HKDC1: variants seen among roughly 807,000 people sequenced by gnomAD.
HKDC1 encodes hexokinase domain containing 1, also known as hexokinase HKDC1.
HKDC1 carries 66 observed loss-of-function variants against 96.6 expected under a neutral mutation model. The ratio of observed to expected loss-of-function variants is 0.68; its 90% confidence interval spans 0.56 to 0.84. The LOEUF is 0.84. Ranked by LOEUF, HKDC1 falls within the 40% of genes least tolerant of loss-of-function variation. HKDC1 has a pLI of 0.00. For missense variants in HKDC1, 1,211 were observed against 1,208.1 expected, an observed-to-expected ratio of 1.00 and a Z score of -0.04; for synonymous variants, 466 against 473.1, an observed-to-expected ratio of 0.98 and a Z score of 0.20.
At chr10:69,248,390 A>C (rs576538807) in intron 9 of HKDC1, 34 bp from the exon 10 acceptor site, 2 of 1,526,520 alleles carry the variant, frequency 1.3e-6, no homozygotes, top group South Asian at 1.3e-5. Flanking sequence ...GGCCTTTATG[A>C]TTGCTAAATA....
In HKDC1 at chr10:69,265,612, G is replaced by C; in HGVS notation, c.2400G>C (p.Arg800Ser). ...ATCGGCTGGCCCTTCTCCAGGTCAG[G>C]AGGATTCTGCAGCAGCTGGGCCTGG... is the stretch of plus-strand genomic sequence containing the variant. The part of the protein sequence containing the change: ...ESDRLALLQV[R>S]RILQQLGLDS... Residue 800 changes from arginine to serine, a missense_variant, in exon 17 of 18, where the codon AGG (arginine) becomes AGC (serine). Arg to Ser is a moderately radical substitution (Grantham distance 110). Transcript: ENST00000354624. 1 of 1,613,806 alleles carries C rather than the reference G, an allele frequency of 6.2e-7. No individual in the cohort carries two copies. The highest frequency in any genetic ancestry group is 8.5e-7 in the Non-Finnish European group (1 of 1,179,928).
At position 69,248,610 on chromosome 10, in the gene HKDC1, C is replaced by T. The variant is rs372164004; in HGVS notation, c.1452C>T (p.Leu484=). 152 of 1,614,118 alleles carry T rather than the reference C, an allele frequency of 9.4e-5. No individual in the cohort carries two copies. The highest frequency in any genetic ancestry group is 3.4e-4 in the South Asian group (31 of 91,084). The change falls in exon 10 of 18, where the codon CTC becomes CTT. Residue 484 remains leucine (L), a synonymous_variant. Coordinates refer to ENST00000354624, the MANE Select transcript of HKDC1 (RefSeq NM_025130.4). The stretch of plus-strand genomic sequence containing the variant: ...TGTTCCAGCTGACCCGAGAGCAGCT[C>T]GTGGACGTGCAGGCCAAGATGCGGG... ...LALFQLTREQ[L]VDVQAKMRAE...
chr10:69,230,927 T>A (rs1007594145), intron 2 of HKDC1, among the ~76,000 whole-genome samples: 1 of 152,114 alleles, frequency 6.6e-6, no homozygotes, highest in Non-Finnish European at 1.5e-5. Context: ...GCCGGGGCTG[T>A]TTTCTTGATG....
chr10:69,228,501 G>A (rs1236929716), intron 2 of HKDC1, among the ~76,000 whole-genome samples: 1 of 152,142 alleles, frequency 6.6e-6, no homozygotes, highest in Non-Finnish European at 1.5e-5. Context: ...CTAGAAATCT[G>A]TAGATAGGAT....
intron 6 of HKDC1, among the ~76,000 whole-genome samples, chr10:69,241,067 AAAAAAACAAAAAAC>A (rs1171821600): frequency 6.6e-6 from 1 of 152,030 alleles, no homozygotes; most frequent in Non-Finnish European, 1.5e-5. Flanking sequence ...TTAGCGTGAT[AAAAAAACAAAAAAC>A]AAAAAACAAA....
At chr10:69,224,911 T>C (rs1843123797) in intron 1 of HKDC1, among the ~76,000 whole-genome samples, 1 of 152,238 alleles carries the variant, frequency 6.6e-6, no homozygotes, top group African/African-American at 2.4e-5. Context: ...GCCTGGGACG[T>C]GTGTCCCTGG....
At chr10:69,241,425 G>A (rs1246016631) in intron 6 of HKDC1, among the ~76,000 whole-genome samples, 1 of 152,206 alleles carries the variant, frequency 6.6e-6, no homozygotes, top group Non-Finnish European at 1.5e-5. Flanking sequence ...TATCCCCTGA[G>A]GGAGACTGGA....
chr10:69,256,053 G>A (rs1467935711), intron 12 of HKDC1, among the ~76,000 whole-genome samples: 1 of 152,154 alleles, frequency 6.6e-6, no homozygotes, highest in Non-Finnish European at 1.5e-5. Context: ...TTTGCACCCA[G>A]AGAGAGCCAC....
Position 69,246,103 on chromosome 10 carries a change from G to A in HKDC1, c.900G>A (p.Leu300=). Residue 300 remains leucine, a synonymous_variant, in exon 8 of 18, where the codon CTG becomes CTA. Coordinates refer to ENST00000354624, the MANE Select transcript of HKDC1 (RefSeq NM_025130.4). ...KQLFEKMISG[L]YLGELVRLIL... is the part of the protein sequence containing the mutation. ...GGTTCGAGAAGATGATCAGTGGCCT[G>A]TACCTGGGGGAGCTTGTCAGGCTTA... The A allele has an allele frequency of 6.2e-7, 1 of 1,614,252 alleles. No individual in the cohort carries two copies. The highest frequency in any genetic ancestry group is 2.2e-5 in the East Asian group (1 of 44,882).
chr10:69,265,138 C>A lies in HKDC1; in HGVS notation c.2373-447C>A, dbSNP rs576766090. ...AGTTAAATAGAAGGAAAGTTGGCCT[C>A]CAATTGAAGGGGGCCAGAGTGTGGG... On this transcript the variant is annotated intron_variant, in intron 16 of 17. Transcript: ENST00000354624. Among the ~76,000 whole-genome samples the A allele has an allele frequency of 2.0e-5, 3 of 152,220 alleles. No individual in the cohort carries two copies. The East Asian group carries it at 5.8e-4, about 29-fold the overall frequency.
chr10:69,258,755 T>C, intron 14 of HKDC1, 21 bp from the exon 15 acceptor site: 1 of 1,613,458 alleles, frequency 6.2e-7, no homozygotes, highest in Non-Finnish European at 8.5e-7. Flanking sequence ...AAGACTAAGG[T>C]TCCTTCACAA....
intron 1 of HKDC1, among the ~76,000 whole-genome samples, chr10:69,221,402 C>A (rs1212491409): frequency 6.6e-6 from 1 of 152,088 alleles, no homozygotes; most frequent in Admixed American, 6.6e-5. Context: ...AACCAGGGTT[C>A]TTTCCAGGCA....
In HKDC1 at chr10:69,250,555, G is replaced by A. The variant is rs746738258; in HGVS notation, c.1739G>A (p.Cys580Tyr). The change falls in exon 12 of 18, where the codon TGC becomes TAC. Residue 580 changes from cysteine (C) to tyrosine (Y), a missense_variant. By Grantham distance (194) the Cys-to-Tyr change is radical. Coordinates refer to ENST00000354624, the MANE Select transcript of HKDC1 (RefSeq NM_025130.4). ...CAGCTCTTTGATCACATTGTGCAGT[G>A]CATCGCCGACTTCCTGGACTACATG... ...GEELFDHIVQ[C>Y]IADFLDYMGL... The A allele has an allele frequency of 1.9e-6, 3 of 1,614,108 alleles. No homozygotes were observed. The highest frequency in any genetic ancestry group is 1.7e-5 in the Admixed American group (1 of 60,026).
At chr10:69,224,283 AT>A (rs946107980) in intron 1 of HKDC1, among the ~76,000 whole-genome samples, 2 of 151,842 alleles carry the variant, frequency 1.3e-5, no homozygotes, top group African/African-American at 2.4e-5. Context: ...TTATTTATTT[AT>A]TTTTTATTAT....
At chr10:69,258,465 GATA>G (rs754862645) in intron 14 of HKDC1, among the ~76,000 whole-genome samples, 1 of 152,144 alleles carries the variant, frequency 6.6e-6, no homozygotes, top group Non-Finnish European at 1.5e-5. Context: ...GCTTAACAAA[GATA>G]ATGATGATGA....
Position 69,267,509 on chromosome 10 carries a change from G to A in HKDC1, c.*752G>A, listed in dbSNP as rs1305250516. ...GTTGTTTTAAGGATTGTTAGGTATA[G>A]GAAATCCAGTAAATTAATAAAAAAA... On this transcript the variant is annotated 3_prime_UTR_variant, in exon 18 of 18. Transcript: ENST00000354624. The A allele has an allele frequency of 4.4e-6, 2 of 452,790 alleles. No individual in the cohort carries two copies. The highest frequency in any genetic ancestry group is 4.8e-5 in the Admixed American group (2 of 41,794). 28.0% of individuals were successfully genotyped at this position (452,790 alleles called of 1,614,324 possible). A position where few individuals can be genotyped will look rare whatever the true frequency, so the allele number is the denominator to read the frequency against.
chr10:69,264,648 T>A (rs1312191431), intron 16 of HKDC1, among the ~76,000 whole-genome samples: 1 of 152,214 alleles, frequency 6.6e-6, no homozygotes. Flanking sequence ...ATTACAGGTG[T>A]AAGCCACTGT....
At chr10:69,245,569 C>CTAATAATAATAA (rs1564731645) in intron 7 of HKDC1, among the ~76,000 whole-genome samples, 2 of 64,470 alleles carry the variant, frequency 3.1e-5, no homozygotes, top group Non-Finnish European at 6.9e-5. Flanking sequence ...GATCCTGTCT[C>CTAATAATAATAA]CAATAATAAT....
intron 16 of HKDC1, among the ~76,000 whole-genome samples, chr10:69,262,619 A>C (rs1843825961): frequency 6.6e-6 from 1 of 152,256 alleles, no homozygotes; most frequent in Non-Finnish European, 1.5e-5. Flanking sequence ...GGGAAAAAAG[A>C]AACACATTAT....
Sources: allele counts gnomAD v4.1 joint callset (sites outside exome capture counted in the v4.1 genomes callset), GRCh38; gene constraint gnomAD v4.1.1; transcripts MANE v1.5; gene names NCBI Gene and HGNC (gene_info 2026-07-23, HGNC 2026-07-21).